Variants in ZMYND8 observed in about 807,000 individuals in gnomAD.
ZMYND8 encodes MYND-type zinc finger-containing chromatin reader ZMYND8.
ZMYND8 carries 37 observed loss-of-function variants against 140.8 expected under a neutral mutation model. That is an observed-to-expected ratio of 0.26 (90% CI 0.20 to 0.35). The LOEUF (loss-of-function observed/expected upper bound fraction) is 0.35, where lower values mean the gene tolerates loss of function less well. Among genes scored for constraint, ZMYND8 ranks in the 10% least tolerant of loss-of-function variants. ZMYND8 has a pLI of 1.00. For synonymous variants in ZMYND8, 592 were observed against 597.1 expected, an observed-to-expected ratio of 0.99 and a Z score of 0.12; for missense variants, 1,068 against 1,570.0, an observed-to-expected ratio of 0.68 and a Z score of 5.40.
At chr20:47,318,842 G>T in intron 2 of ZMYND8, 1 of 785,498 alleles carries the variant, frequency 1.3e-6, no homozygotes, top group East Asian at 6.3e-5. Context: ...TGAGGCTGTG[G>T]AATGAAAGGT....
chr20:47,312,713 C>T (rs2079030033), intron 2 of ZMYND8, among the ~76,000 whole-genome samples: 1 of 151,812 alleles, frequency 6.6e-6, no homozygotes, highest in African/African-American at 2.4e-5. Flanking sequence ...TCACTTGAAC[C>T]CTGGAGTCAG....
At chr20:47,259,995 G>T (rs2075037791) in intron 12 of ZMYND8, among the ~76,000 whole-genome samples, 1 of 152,158 alleles carries the variant, frequency 6.6e-6, no homozygotes, top group African/African-American at 2.4e-5. Flanking sequence ...CCACCTAGGG[G>T]TGTAACAGCT....
intron 3 of ZMYND8, among the ~76,000 whole-genome samples, chr20:47,309,741 C>A (rs1322058823): frequency 6.6e-6 from 1 of 150,522 alleles, no homozygotes; most frequent in Non-Finnish European, 1.5e-5. Flanking sequence ...CCTCAGGCCA[C>A]ATGGGGAAAA....
In ZMYND8 at chr20:47,291,793, A is replaced by G. The variant is rs1033822001; in HGVS notation, c.660+3T>C. The G allele has an allele frequency of 8.7e-6, 14 of 1,609,112 alleles. No individual in the cohort carries two copies. Among genetic ancestry groups the G allele is most frequent in the African/African-American group, 1.3e-5 (1 of 74,890 alleles). On this transcript the variant is annotated splice_donor_region_variant and intron_variant, in intron 6 of 22. Transcript: ENST00000471951. ...ATGGTGAGGTTCTTTGACGGAGGCC[A>G]ACCTTTTCCAATGTACAAAGGTCCA...
chr20:47,298,927 C>T lies in ZMYND8; in HGVS notation c.255G>A (p.Pro85=), dbSNP rs1230121334. 2 of 1,614,038 alleles carry T rather than the reference C, an allele frequency of 1.2e-6. No individual in the cohort carries two copies. Among genetic ancestry groups the T allele is most frequent in the Non-Finnish European group, 1.7e-6 (2 of 1,180,038 alleles). ...NKEQSELRHG[P]FYYMKQPLTT... ...TGAGTGGCTGCTTCATATAGTAAAA[C>T]GGACCATGTCTTAGTTCTGACTGAA... The change falls in exon 4 of 23, where the codon CCG becomes CCA. Residue 85 remains proline, a synonymous_variant. Transcript: ENST00000471951. This position sits in a 1 kb window ranked among gnomAD's most constrained non-coding sequence, Gnocchi z 5.0.
chr20:47,331,728 C>T (rs2148454118), intron 2 of ZMYND8, among the ~76,000 whole-genome samples: 1 of 152,186 alleles, frequency 6.6e-6, no homozygotes, highest in Middle Eastern at 3.4e-3. Flanking sequence ...GAGAGAGTGT[C>T]CACAAGAATA....
At chr20:47,333,724 C>CAAAAAAAAAA (rs57968979) in intron 2 of ZMYND8, among the ~76,000 whole-genome samples, 4 of 29,742 alleles carry the variant, frequency 1.3e-4, no homozygotes, top group African/African-American at 2.2e-4. Flanking sequence ...GACTCCGTCT[C>CAAAAAAAAAA]AAAAAAAAAA....
chr20:47,245,712 A>G (rs942684197), intron 14 of ZMYND8, among the ~76,000 whole-genome samples: 1 of 152,258 alleles, frequency 6.6e-6, no homozygotes, highest in African/African-American at 2.4e-5. Context: ...TGACTTGGTC[A>G]CTAAAAGTAA....
chr20:47,255,773 ATATAT>A (rs2074644348), intron 12 of ZMYND8, among the ~76,000 whole-genome samples: 1 of 127,086 alleles, frequency 7.9e-6, no homozygotes, highest in Non-Finnish European at 1.6e-5. Context: ...TACGGTATAT[ATATAT>A]ATTTGTATGT....
intron 15 of ZMYND8, 42 bp downstream of exon 15, chr20:47,238,716 T>C (rs1428204156): frequency 3.2e-6 from 5 of 1,573,976 alleles, no homozygotes; most frequent in Non-Finnish European, 4.3e-6. Context: ...TGTGGCAAAA[T>C]GGGAGCGGGC....
intron 2 of ZMYND8, 67 bp from the exon 3 acceptor site, chr20:47,310,271 T>C: frequency 1.3e-6 from 2 of 1,526,164 alleles, no homozygotes. Context: ...AGGGAGGAGG[T>C]GTGGAGGAAC....
intron 21 of ZMYND8, among the ~76,000 whole-genome samples, chr20:47,217,817 A>AAGAT (rs137892582): frequency 0.023 from 3,440 of 152,160 alleles, 151 homozygotes; most frequent in African/African-American, 0.078. Flanking sequence ...AAACTCCACG[A>AAGAT]AGATAGGCAT....
At chr20:47,269,918 G>T (rs1044290090) in intron 11 of ZMYND8, among the ~76,000 whole-genome samples, 3 of 152,136 alleles carry the variant, frequency 2.0e-5, no homozygotes, top group Admixed American at 6.6e-5. Context: ...TGTTTTGAAG[G>T]GTTATTCACT....
chr20:47,347,484 T>C (rs1053957804), intron 2 of ZMYND8, among the ~76,000 whole-genome samples: 1 of 152,242 alleles, frequency 6.6e-6, no homozygotes, highest in Non-Finnish European at 1.5e-5. Context: ...ACTTCTGGGA[T>C]TCCAAAGAGG....
At chr20:47,223,489 G>T (rs1439675060) in intron 19 of ZMYND8, among the ~76,000 whole-genome samples, 2 of 151,710 alleles carry the variant, frequency 1.3e-5, no homozygotes, top group Non-Finnish European at 2.9e-5. Context: ...TGGGGGACAA[G>T]AGCAAAACTC....
At chr20:47,248,568 A>G (rs2073916331) in intron 13 of ZMYND8, among the ~76,000 whole-genome samples, 1 of 152,208 alleles carries the variant, frequency 6.6e-6, no homozygotes, top group Non-Finnish European at 1.5e-5. Flanking sequence ...TTCAACAAAC[A>G]TTCCAGAGCA....
At chr20:47,222,903 T>C (rs962384746) in intron 19 of ZMYND8, among the ~76,000 whole-genome samples, 8 of 152,264 alleles carry the variant, frequency 5.3e-5, no homozygotes, top group African/African-American at 1.9e-4. Context: ...TCTATGTCCA[T>C]CCATTTACAT....
intron 13 of ZMYND8, among the ~76,000 whole-genome samples, chr20:47,248,728 G>A (rs1229339852): frequency 6.6e-6 from 1 of 152,124 alleles, no homozygotes; most frequent in African/African-American, 2.4e-5. Context: ...TACCAAAGGA[G>A]GAGGGCAGAT....
chr20:47,264,004 G>A (rs1377923085), intron 11 of ZMYND8, among the ~76,000 whole-genome samples: 3 of 152,174 alleles, frequency 2.0e-5, no homozygotes, highest in Non-Finnish European at 4.4e-5. Flanking sequence ...AGAGTGGGGG[G>A]TTGCTACTGG....
Sources: gnomAD v4.1 joint callset for allele counts (sites outside exome capture counted in the v4.1 genomes callset) on GRCh38, gnomAD v4.1.1 for gene constraint, Gnocchi (gnomAD v3.1) non-coding constraint, MANE v1.5 for transcripts, NCBI Gene and HGNC (gene_info 2026-07-23, HGNC 2026-07-21) for gene names.